The following MBTPS1 variants were observed in gnomAD, a reference collection of about 807,000 sequenced individuals.
MBTPS1 encodes membrane bound transcription factor peptidase, site 1, also known as membrane-bound transcription factor site-1 protease.
In MBTPS1, 94 loss-of-function variants were observed where a neutral mutation model predicts 127.8. The ratio of observed to expected loss-of-function variants is 0.74; its 90% CI spans 0.62 to 0.87. The LOEUF is 0.87. MBTPS1 is among the 40% of genes least tolerant of loss of function. The pLI is 0.00. For missense variants in MBTPS1, 1,636 were observed against 1,353.2 expected, an observed-to-expected ratio of 1.21 and a Z score of -3.28; for synonymous variants, 632 against 509.4, an observed-to-expected ratio of 1.24 and a Z score of -3.24.
intron 1 of MBTPS1, among the ~76,000 whole-genome samples, chr16:84,110,489 T>A (rs1342550480): frequency 6.6e-6 from 1 of 152,220 alleles, no homozygotes; most frequent in African/African-American, 2.4e-5. Flanking sequence ...AACAACCTTT[T>A]AGAATGGCAA....
rs376849344 is a variant in MBTPS1 at position 84,095,818 on chromosome 16, G to T, written c.422-13C>A. The T allele has an allele frequency of 1.3e-4, 204 of 1,610,400 alleles. No homozygotes were observed. Among genetic ancestry groups the T allele is most frequent in the Middle Eastern group, 1.6e-4 (1 of 6,072 alleles). On this transcript the variant is annotated splice_polypyrimidine_tract_variant and intron_variant, in intron 3 of 22. Coordinates refer to ENST00000343411, the MANE Select transcript of MBTPS1 (RefSeq NM_003791.4). ...ACTGTGGGGTCAGCTACAGGCAAGG[G>T]AGAGAAAGATCAGAACAGAAGAGCA...
chr16:84,084,764 A>G (rs2292322), intron 10 of MBTPS1, among the ~76,000 whole-genome samples: 45,712 of 152,182 alleles, frequency 0.3, 7,107 homozygotes, highest in East Asian at 0.43. Flanking sequence ...TTGTTTACTT[A>G]GGCTTATAAA....
intron 2 of MBTPS1, 127 bp downstream of exon 2, chr16:84,101,494 A>T: frequency 1.1e-6 from 1 of 904,756 alleles, no homozygotes; most frequent in Non-Finnish European, 1.6e-6. Flanking sequence ...CTGTCTCAAA[A>T]AAAAAAAAAA....
Position 84,069,859 on chromosome 16 carries a change from T to G in MBTPS1, c.1955+7A>C, listed in dbSNP as rs750455283. On this transcript the variant is annotated splice_region_variant and intron_variant, in intron 14 of 22. Coordinates refer to ENST00000343411, the MANE Select transcript of MBTPS1 (RefSeq NM_003791.4). ...GGGAGGTGAAGTGCATCCTGTGAGG[T>G]GCTTACCAGTCTAAAGGGTCATTCT... 1 of 1,611,840 alleles carries G rather than the reference T, an allele frequency of 6.2e-7. No individual in the cohort carries two copies. Among genetic ancestry groups the G allele is most frequent in the East Asian group, 2.2e-5 (1 of 44,864 alleles).
chr16:84,074,206 A>G (rs551188319), intron 12 of MBTPS1, among the ~76,000 whole-genome samples: 36 of 152,006 alleles, frequency 2.4e-4, no homozygotes, highest in African/African-American at 8.7e-4. Flanking sequence ...ACTACTTCCA[A>G]TAGCCCTGGT....
At chr16:84,077,887 A>G (rs1290006040) in intron 11 of MBTPS1, among the ~76,000 whole-genome samples, 2 of 152,138 alleles carry the variant, frequency 1.3e-5, no homozygotes, top group Non-Finnish European at 2.9e-5. Context: ...AAGAGGGACC[A>G]AAAACCCCAT....
chr16:84,068,740 C>T (rs971430182), intron 14 of MBTPS1, among the ~76,000 whole-genome samples: 2 of 152,238 alleles, frequency 1.3e-5, no homozygotes, highest in Non-Finnish European at 2.9e-5. Context: ...TGGACCATCA[C>T]TGTAGCAGTC....
chr16:84,063,805 C>G (rs1441339736), intron 18 of MBTPS1, among the ~76,000 whole-genome samples: 2 of 152,050 alleles, frequency 1.3e-5, no homozygotes, highest in East Asian at 3.8e-4. Flanking sequence ...CCTATGTTTT[C>G]AGACACCTAC....
At chr16:84,094,133 C>A (rs1373886130) in intron 4 of MBTPS1, among the ~76,000 whole-genome samples, 1 of 152,088 alleles carries the variant, frequency 6.6e-6, no homozygotes, top group African/African-American at 2.4e-5. Context: ...CCACTCCTAG[C>A]GGGCTTCTCA....
At chr16:84,097,164 CT>C in intron 3 of MBTPS1, among the ~76,000 whole-genome samples, 1 of 152,272 alleles carries the variant, frequency 6.6e-6, no homozygotes, top group Middle Eastern at 3.4e-3. Flanking sequence ...TAGGCTTTGT[CT>C]TATGGCCCAT....
At chr16:84,076,110 G>A (rs944202250) in intron 11 of MBTPS1, among the ~76,000 whole-genome samples, 6 of 152,124 alleles carry the variant, frequency 3.9e-5, no homozygotes, top group African/African-American at 1.2e-4. Context: ...ATTTATTACA[G>A]ATTGGTTCAA....
At position 84,093,351 on chromosome 16, in the gene MBTPS1, G is replaced by C. The variant is rs1469858545; in HGVS notation, c.737-54C>G. 4 of 1,193,446 alleles carry C rather than the reference G, an allele frequency of 3.4e-6. No individual in the cohort carries two copies. The African/African-American group carries it at 4.5e-5, about 13-fold the overall frequency. The allele number at this position is 1,193,446 out of a possible 1,614,324, so 73.9% of individuals were successfully genotyped here. A position where few individuals can be genotyped will look rare whatever the true frequency, so the allele number is the denominator to read the frequency against. ...AAAACACACTGAATAGCAAGTGCCA[G>C]GACGCAACATTCCAGGCCATGAGTT... On this transcript the variant is annotated intron_variant, in intron 5 of 22. Transcript: ENST00000343411.
chr16:84,074,402 T>C (rs1263260566), intron 12 of MBTPS1, among the ~76,000 whole-genome samples, 195 bp downstream of exon 12: 2 of 152,182 alleles, frequency 1.3e-5, no homozygotes, highest in African/African-American at 2.4e-5. Flanking sequence ...CCCTGGCTAA[T>C]TTCTTTATTA....
In MBTPS1 at chr16:84,069,129, T is replaced by C. The variant is rs375897812; in HGVS notation, c.1956-675A>G. Among the ~76,000 whole-genome samples, 509 of 152,356 alleles carry C rather than the reference T, an allele frequency of 3.3e-3. 4 individuals are homozygous for C. The highest frequency in any genetic ancestry group is 0.011 in the African/African-American group (475 of 41,576). On this transcript the variant is annotated intron_variant, in intron 14 of 22. Transcript: ENST00000343411. ...GACATCTTATTTTAAAAGGCAAGTCTGACTCTGTAACTATCCTGGTCACAT... is the reference window on the plus strand; with the variant it reads ...GACATCTTATTTTAAAAGGCAAGTCCGACTCTGTAACTATCCTGGTCACAT...
chr16:84,087,024 A>G (rs1211234082), intron 9 of MBTPS1, among the ~76,000 whole-genome samples: 1 of 152,130 alleles, frequency 6.6e-6, no homozygotes, highest in Non-Finnish European at 1.5e-5. Flanking sequence ...ACTGCTTACC[A>G]CTACTAGATA....
intron 1 of MBTPS1, among the ~76,000 whole-genome samples, chr16:84,115,311 T>C (rs149087252): frequency 2.3e-3 from 354 of 152,302 alleles, no homozygotes; most frequent in Non-Finnish European, 3.8e-3. Flanking sequence ...AAGCTCTGCA[T>C]TGGAATTTTC....
At chr16:84,094,181 G>A (rs1435901533) in intron 4 of MBTPS1, among the ~76,000 whole-genome samples, 1 of 151,730 alleles carries the variant, frequency 6.6e-6, no homozygotes, top group East Asian at 1.9e-4. Context: ...TCCCCTTCTG[G>A]CAATTTATCA....
Position 84,102,305 on chromosome 16 carries a change from G to A in MBTPS1, c.-324-198C>T, listed in dbSNP as rs557143729. Among the ~76,000 whole-genome samples, 4 of 152,260 alleles carry A rather than the reference G, an allele frequency of 2.6e-5. No individual in the cohort carries two copies. The South Asian group carries it at 6.2e-4, about 24-fold the overall frequency. On this transcript the variant is annotated intron_variant, in intron 1 of 22. Coordinates refer to ENST00000343411, the MANE Select transcript of MBTPS1 (RefSeq NM_003791.4). Reference sequence around the variant, plus strand: ...GAGTCCAGCCTGAGCAACAAAGTGAGACCCTATGTCTAAAATAATAAAATA... The same window carrying A: ...GAGTCCAGCCTGAGCAACAAAGTGAAACCCTATGTCTAAAATAATAAAATA...
chr16:84,070,857 T>G, intron 12 of MBTPS1, 81 bp from the exon 13 acceptor site: 1 of 1,104,290 alleles, frequency 9.1e-7, no homozygotes, highest in South Asian at 1.5e-5. Context: ...AACTCAATTC[T>G]TACCAAAACT....
Sources: allele counts gnomAD v4.1 joint callset (sites outside exome capture counted in the v4.1 genomes callset), GRCh38; gene constraint gnomAD v4.1.1; transcripts MANE v1.5; gene names NCBI Gene and HGNC (gene_info 2026-07-23, HGNC 2026-07-21).